ITSN2: variants seen among roughly 807,000 people sequenced by gnomAD.
ITSN2 encodes the protein intersectin-2.
A neutral mutation model predicts 243.7 loss-of-function variants in ITSN2; 156 were observed. That is an observed-to-expected ratio of 0.64 (90% CI 0.56 to 0.73). The LOEUF (loss-of-function observed/expected upper bound fraction) is 0.73. Among genes scored for constraint, ITSN2 ranks in the 30% least tolerant of loss-of-function variants. The pLI, the probability that ITSN2 is intolerant of heterozygous loss-of-function variation, is 0.00. For missense variants in ITSN2, 1,801 were observed against 1,996.1 expected (o/e 0.90, Z 1.86); for synonymous variants, 703 against 699.9 (o/e 1.00, Z -0.07).
At chr2:24,303,383 C>T (rs373640907) in intron 9 of ITSN2, among the ~76,000 whole-genome samples, 14 of 152,130 alleles carry the variant, frequency 9.2e-5, no homozygotes, top group African/African-American at 3.4e-4. Flanking sequence ...TCAGTTTTTA[C>T]CGAAAGTTTA....
intron 15 of ITSN2, among the ~76,000 whole-genome samples, chr2:24,288,942 TC>T (rs1249425149): frequency 1.3e-5 from 2 of 152,174 alleles, no homozygotes; most frequent in Non-Finnish European, 2.9e-5. Flanking sequence ...TTGGCTTACT[TC>T]ACTTAATGTA....
At position 24,217,894 on chromosome 2, in the gene ITSN2, G is replaced by A. The variant is rs377300426; in HGVS notation, c.3806+13C>T. 1.3e-6 allele frequency: 2 copies of A among 1,587,528 alleles called. No individual in the cohort carries two copies. The highest frequency in any genetic ancestry group is 1.7e-6 in the Non-Finnish European group (2 of 1,156,206). On this transcript the variant is annotated intron_variant, in intron 31 of 39. Transcript: ENST00000355123. ...GGGGTCAGCGGCAATGACAGGTGAT[G>A]CTCAGGACTCACTTCAGCAGCTTTG...
At chr2:24,280,838 C>A (rs1678674970) in intron 17 of ITSN2, among the ~76,000 whole-genome samples, 1 of 152,190 alleles carries the variant, frequency 6.6e-6, no homozygotes, top group Non-Finnish European at 1.5e-5. Flanking sequence ...GCAATCCAAA[C>A]CTCAAGTCTC....
intron 29 of ITSN2, among the ~76,000 whole-genome samples, chr2:24,224,719 C>T (rs1291127900): frequency 1.3e-5 from 2 of 152,018 alleles, no homozygotes; most frequent in Non-Finnish European, 1.5e-5. Flanking sequence ...CTACAACCTC[C>T]GCCTCCCGGG....
rs267599297 is a variant in ITSN2, at chr2:24,310,594, G to C, written c.451C>G (p.Pro151Ala). The change falls in exon 6 of 40, where the codon CCC becomes GCC. Residue 151 changes from proline to alanine, a missense_variant. This residue lies in a region of ITSN2 where 787 missense variants were observed against 803.9 expected (regional missense o/e 0.98). Transcript: ENST00000355123. ...SSATSGTNLP[P>A]LMMPTPLVPS... ...ACTAGGGGAGTGGGCATCATTAAGG[G>C]AGGAAGGTTGGTCCCTGAAGTCGCA... is the stretch of plus-strand genomic sequence containing the variant. 3 of 1,614,048 alleles carry C rather than the reference G, an allele frequency of 1.9e-6. No individual in the cohort carries two copies. The highest frequency in any genetic ancestry group is 4.5e-5 in the East Asian group (2 of 44,898).
At chr2:24,230,087 G>A (rs1371066639) in intron 29 of ITSN2, among the ~76,000 whole-genome samples, 1 of 152,048 alleles carries the variant, frequency 6.6e-6, no homozygotes, top group African/African-American at 2.4e-5. Context: ...TTCTTCACAC[G>A]TTCTGCTGTA....
intron 1 of ITSN2, among the ~76,000 whole-genome samples, chr2:24,349,476 T>C (rs1318041882): frequency 6.6e-6 from 1 of 152,214 alleles, no homozygotes; most frequent in Non-Finnish European, 1.5e-5. Context: ...CACATAATTC[T>C]GAAGGTTTCA....
chr2:24,324,223 C>A (rs1421240639), intron 2 of ITSN2, among the ~76,000 whole-genome samples: 1 of 152,020 alleles, frequency 6.6e-6, no homozygotes, highest in Non-Finnish European at 1.5e-5. Flanking sequence ...CAGAGCGAGA[C>A]TCCGTCTCAA....
chr2:24,208,256 C>T lies in ITSN2; in HGVS notation c.4659G>A (p.Lys1553=), dbSNP rs769356078. Residue 1553 remains lysine (K), a synonymous_variant, in exon 37 of 40, where the codon AAG becomes AAA. Transcript: ENST00000355123. ...SEQYIDTEKK[K]REKAYQARSQ... Reference sequence around the variant, plus strand: ...TGATACCTTGGTAAGCTTTCTCACGCTTCTTCTTCTCGGTGTCGATGTACT... The same window carrying T: ...TGATACCTTGGTAAGCTTTCTCACGTTTCTTCTTCTCGGTGTCGATGTACT... The T allele has an allele frequency of 3.7e-6, 6 of 1,611,630 alleles. No homozygotes were observed. The highest frequency in any genetic ancestry group is 4.2e-6 in the Non-Finnish European group (5 of 1,179,294).
At chr2:24,284,996 A>G (rs1293165690) in intron 16 of ITSN2, among the ~76,000 whole-genome samples, 153 bp from the exon 17 acceptor site, 2 of 146,082 alleles carry the variant, frequency 1.4e-5, no homozygotes, top group Non-Finnish European at 3.0e-5. Flanking sequence ...TCCCGGGTTC[A>G]AGCGATTCTC....
At chr2:24,260,282 C>T (rs546819238) in intron 22 of ITSN2, among the ~76,000 whole-genome samples, 2 of 152,090 alleles carry the variant, frequency 1.3e-5, no homozygotes, top group Admixed American at 1.3e-4. Flanking sequence ...AATAAAATGC[C>T]TGGAACCTAT....
chr2:24,346,723 CTG>C (rs1048399115), intron 1 of ITSN2, among the ~76,000 whole-genome samples: 1 of 152,086 alleles, frequency 6.6e-6, no homozygotes, highest in African/African-American at 2.4e-5. Context: ...AAATTTAAAA[CTG>C]TTTAAAAAAT....
At chr2:24,267,320 C>A (rs1676777272) in intron 20 of ITSN2, among the ~76,000 whole-genome samples, 1 of 149,648 alleles carries the variant, frequency 6.7e-6, no homozygotes, top group African/African-American at 2.5e-5. Flanking sequence ...ACCACCATGG[C>A]ACATGTATAC....
At chr2:24,267,988 T>C (rs535842891) in intron 20 of ITSN2, among the ~76,000 whole-genome samples, 1 of 152,358 alleles carries the variant, frequency 6.6e-6, no homozygotes, top group African/African-American at 2.4e-5. Context: ...TTTAATCTCT[T>C]TCACATCTGT....
chr2:24,267,619 A>G (rs1676828860), intron 20 of ITSN2, among the ~76,000 whole-genome samples: 1 of 152,128 alleles, frequency 6.6e-6, no homozygotes, highest in Non-Finnish European at 1.5e-5. Context: ...CAGTGGTGCA[A>G]TCACAGCTCA....
intron 5 of ITSN2, chr2:24,311,529 C>T (rs1351560754): frequency 6.0e-6 from 1 of 167,072 alleles, no homozygotes; most frequent in Non-Finnish European, 1.5e-5. Flanking sequence ...TACAGGCACA[C>T]ACCCCTATAA....
chr2:24,271,967 T>C (rs767847264), intron 18 of ITSN2, 26 bp from the exon 19 acceptor site: 2 of 1,453,224 alleles, frequency 1.4e-6, no homozygotes, highest in East Asian at 4.8e-5. Context: ...AAAGAGTTTG[T>C]ATAATGTCCT....
At chr2:24,227,827 G>A (rs773851099) in intron 29 of ITSN2, among the ~76,000 whole-genome samples, 10 of 152,110 alleles carry the variant, frequency 6.6e-5, no homozygotes, top group Non-Finnish European at 1.3e-4. Context: ...GCTGAGGCAG[G>A]AGAATTGCTT....
chr2:24,358,561 A>G (rs1233502221), intron 1 of ITSN2, among the ~76,000 whole-genome samples: 1 of 152,206 alleles, frequency 6.6e-6, no homozygotes, highest in African/African-American at 2.4e-5. Flanking sequence ...TAAAGATGGA[A>G]ATTTGTGAAA....
Sources: allele counts gnomAD v4.1 joint callset (sites outside exome capture counted in the v4.1 genomes callset), GRCh38; gene constraint gnomAD v4.1.1; regional missense constraint gnomAD v4.1.1; transcripts MANE v1.5; gene names NCBI Gene and HGNC (gene_info 2026-07-23, HGNC 2026-07-21).